Variants in PARD3 observed in about 807,000 individuals in gnomAD.
PARD3 encodes partitioning defective 3 homolog.
A neutral mutation model predicts 155.4 loss-of-function variants in PARD3; 75 were observed. That is an observed-to-expected ratio of 0.48 (90% confidence interval 0.40 to 0.58). PARD3 has a LOEUF of 0.58. PARD3 is among the 20% of genes least tolerant of loss of function. PARD3 has a pLI of 0.00. For synonymous variants in PARD3, 576 were observed against 610.5 expected (o/e 0.94, Z 0.83); for missense variants, 1,642 against 1,721.7 (o/e 0.95, Z 0.82).
chr10:34,342,337 AG>A (rs1021877256), intron 15 of PARD3, among the ~76,000 whole-genome samples: 2 of 152,180 alleles, frequency 1.3e-5, no homozygotes, highest in Non-Finnish European at 2.9e-5. Context: ...ATGAGTCCAA[AG>A]CCATTCACTT....
intron 2 of PARD3, among the ~76,000 whole-genome samples, chr10:34,563,516 G>A (rs931344668): frequency 7.0e-6 from 1 of 143,354 alleles, no homozygotes; most frequent in East Asian, 2.1e-4. Flanking sequence ...ATAGGTGCAC[G>A]CCACCACGCC....
rs376139902 is a variant in PARD3 at position 34,157,302 on chromosome 10, C to T, written c.3420-25719G>A. The stretch of plus-strand genomic sequence containing the variant: ...TGTGCTCAGCTGTCTTAGATTCATG[C>T]TGCGTTGTAGCTGTTTGTTTACTGG... On this transcript the variant is annotated intron_variant, in intron 22 of 24. Coordinates refer to ENST00000374788, the MANE Select transcript of PARD3 (RefSeq NM_001184785.2). Among the ~76,000 whole-genome samples the T allele has an allele frequency of 1.0e-3, 158 of 152,296 alleles. 1 individual carries two copies. Among genetic ancestry groups the T allele is most frequent in the African/African-American group, 3.6e-3 (150 of 41,568 alleles).
chr10:34,438,356 C>A (rs2076292030), intron 5 of PARD3, among the ~76,000 whole-genome samples: 1 of 152,082 alleles, frequency 6.6e-6, no homozygotes. Flanking sequence ...TTGTCATATG[C>A]AGATGCTAAG....
At chr10:34,142,703 A>G (rs1948257575) in intron 22 of PARD3, among the ~76,000 whole-genome samples, 3 of 150,494 alleles carry the variant, frequency 2.0e-5, no homozygotes, top group Non-Finnish European at 4.4e-5. Flanking sequence ...TCTTGGCACA[A>G]TGCAAGAAAG....
At chr10:34,539,351 T>A (rs1390812583) in intron 2 of PARD3, among the ~76,000 whole-genome samples, 1 of 152,124 alleles carries the variant, frequency 6.6e-6, no homozygotes, top group Non-Finnish European at 1.5e-5. Flanking sequence ...TACAGTTAAA[T>A]AAATTAAAAA....
intron 2 of PARD3, among the ~76,000 whole-genome samples, chr10:34,565,915 T>C (rs2085905264): frequency 6.6e-6 from 1 of 152,242 alleles, no homozygotes; most frequent in Non-Finnish European, 1.5e-5. Flanking sequence ...CAACTGATTT[T>C]CCATTGTGTC....
intron 7 of PARD3, among the ~76,000 whole-genome samples, chr10:34,391,027 A>G (rs1047876213): frequency 6.6e-6 from 1 of 152,220 alleles, no homozygotes; most frequent in African/African-American, 2.4e-5. Context: ...GGCTCAAGTC[A>G]TCATTAGGAC....
Position 34,321,964 on chromosome 10 carries a change from C to A in PARD3, c.2834-4626G>T, listed in dbSNP as rs534752572. Among the ~76,000 whole-genome samples, 4 of 152,194 alleles carry A rather than the reference C, an allele frequency of 2.6e-5. No individual in the cohort carries two copies. In the South Asian group the frequency reaches 6.2e-4, roughly 24 times the overall value. Reference sequence around the variant, plus strand: ...CTCAAGGTCATTAGAGTCTATTTCCCCCCCCCATTGAGAAGTGATGCTACT... The same window carrying A: ...CTCAAGGTCATTAGAGTCTATTTCCACCCCCCATTGAGAAGTGATGCTACT... On this transcript the variant is annotated intron_variant, in intron 19 of 24. Coordinates refer to ENST00000374788, the MANE Select transcript of PARD3 (RefSeq NM_001184785.2).
chr10:34,252,052 C>T (rs984496899), intron 22 of PARD3, among the ~76,000 whole-genome samples: 4 of 152,050 alleles, frequency 2.6e-5, no homozygotes, highest in African/African-American at 4.8e-5. Context: ...GCATTTATGC[C>T]GCATCATAAT....
intron 22 of PARD3, among the ~76,000 whole-genome samples, chr10:34,251,554 G>A (rs1364345315): frequency 6.6e-6 from 1 of 152,174 alleles, no homozygotes; most frequent in Non-Finnish European, 1.5e-5. Context: ...GTGAACTTAA[G>A]CTGGCTTCAG....
chr10:34,429,238 A>G (rs2075775669), intron 5 of PARD3, among the ~76,000 whole-genome samples: 1 of 152,148 alleles, frequency 6.6e-6, no homozygotes, highest in Non-Finnish European at 1.5e-5. Context: ...TAAAATATTC[A>G]TGAAATGAAA....
At chr10:34,176,947 T>TTGTGTG (rs55740137) in intron 22 of PARD3, among the ~76,000 whole-genome samples, 4,070 of 149,562 alleles carry the variant, frequency 0.027, 80 homozygotes, top group Non-Finnish European at 0.04. Context: ...GAGAAGCAGG[T>TTGTGTG]TGTGTGTGTG....
intron 2 of PARD3, among the ~76,000 whole-genome samples, chr10:34,611,832 C>T (rs1434921381): frequency 1.9e-5 from 2 of 105,000 alleles, no homozygotes; most frequent in African/African-American, 3.8e-5. Flanking sequence ...TTTTTTGAGG[C>T]GGAGTCTTGC....
At chr10:34,458,922 C>T (rs1259119140) in intron 4 of PARD3, among the ~76,000 whole-genome samples, 1 of 152,052 alleles carries the variant, frequency 6.6e-6, no homozygotes, top group Non-Finnish European at 1.5e-5. Context: ...CACGGGACCA[C>T]CATTTTTGAC....
At chr10:34,643,803 G>A (rs2092753519) in intron 2 of PARD3, among the ~76,000 whole-genome samples, 2 of 152,158 alleles carry the variant, frequency 1.3e-5, no homozygotes, top group Non-Finnish European at 1.5e-5. Context: ...TGTAGTCCCA[G>A]CTACTTGGGA....
rs533869858 is a variant in PARD3 at position 34,216,829 on chromosome 10, T to C, written c.3419+52828A>G. ...ACTATAATGGTGATTTCCTTGACTA[T>C]GGACATAAAGATTAACACTACAGCC... On this transcript the variant is annotated intron_variant, in intron 22 of 24. Coordinates refer to ENST00000374788, the MANE Select transcript of PARD3 (RefSeq NM_001184785.2). Among the ~76,000 whole-genome samples the C allele has an allele frequency of 2.6e-5, 4 of 152,354 alleles. No individual in the cohort carries two copies. In the South Asian group the frequency reaches 8.3e-4, roughly 32 times the overall value.
chr10:34,568,343 T>G (rs1470801561), intron 2 of PARD3, among the ~76,000 whole-genome samples: 10 of 152,324 alleles, frequency 6.6e-5, no homozygotes, highest in Non-Finnish European at 1.5e-4. Flanking sequence ...TATTGGCAAA[T>G]GAGATATCCT....
At chr10:34,376,334 C>T (rs1175629464) in intron 10 of PARD3, among the ~76,000 whole-genome samples, 1 of 151,948 alleles carries the variant, frequency 6.6e-6, no homozygotes, top group Non-Finnish European at 1.5e-5. Flanking sequence ...GAAAGTAAAG[C>T]GATTATGTGA....
intron 4 of PARD3, among the ~76,000 whole-genome samples, chr10:34,461,758 T>C (rs2077668997): frequency 6.6e-6 from 1 of 152,362 alleles, no homozygotes; most frequent in Middle Eastern, 3.4e-3. Flanking sequence ...CAATCAGGTA[T>C]AACATATTCA....
Sources: allele counts gnomAD v4.1 joint callset (sites outside exome capture counted in the v4.1 genomes callset), GRCh38; gene constraint gnomAD v4.1.1; transcripts MANE v1.5; gene names NCBI Gene and HGNC (gene_info 2026-07-23, HGNC 2026-07-21).